The following TUSC3 variants were observed in gnomAD, a reference collection of about 807,000 sequenced individuals.
TUSC3 encodes dolichyl-diphosphooligosaccharide--protein glycosyltransferase subunit TUSC3.
A neutral mutation model predicts 44.8 loss-of-function variants in TUSC3; 45 were observed. That is an observed-to-expected ratio of 1.00 (90% confidence interval 0.79 to 1.29). TUSC3 has a LOEUF of 1.29. TUSC3 is among the 50% of genes most tolerant of loss of function. The pLI is 0.00. For synonymous variants in TUSC3, 212 were observed against 152.9 expected, an observed-to-expected ratio of 1.39 and a Z score of -2.85; for missense variants, 519 against 437.9, an observed-to-expected ratio of 1.19 and a Z score of -1.65.
At chr8:15,515,430 C>T (rs1045659757) in intron 2 of TUSC3, among the ~76,000 whole-genome samples, 10 of 152,096 alleles carry the variant, frequency 6.6e-5, no homozygotes, top group Non-Finnish European at 1.3e-4. Flanking sequence ...GCATTTTACT[C>T]ACATTTTTCT....
intron 1 of TUSC3, among the ~76,000 whole-genome samples, chr8:15,556,423 T>A (rs1338289980): frequency 6.6e-6 from 1 of 151,438 alleles, no homozygotes; most frequent in African/African-American, 2.4e-5. Flanking sequence ...TTTGGGTTGG[T>A]TCCAAGTCTT....
At chr8:15,718,009 T>A (rs1045234389) in intron 6 of TUSC3, among the ~76,000 whole-genome samples, 2 of 152,148 alleles carry the variant, frequency 1.3e-5, no homozygotes, top group African/African-American at 4.8e-5. Context: ...TGTTTTGCAT[T>A]TTATGAAACA....
At chr8:15,482,800 A>G (rs912785769) in intron 1 of TUSC3, among the ~76,000 whole-genome samples, 2 of 152,234 alleles carry the variant, frequency 1.3e-5, no homozygotes, top group African/African-American at 4.8e-5. Context: ...AAAATAGGAA[A>G]AATCCAGTAA....
chr8:15,539,556 A>C (rs1801602673), upstream of TUSC3, among the ~76,000 whole-genome samples: 1 of 151,814 alleles, frequency 6.6e-6, no homozygotes, highest in Non-Finnish European at 1.5e-5. Flanking sequence ...TCCCCATGTT[A>C]CGGCAGGCTG....
At chr8:15,670,069 T>G (rs182248813) in intron 5 of TUSC3, among the ~76,000 whole-genome samples, 1 of 151,964 alleles carries the variant, frequency 6.6e-6, no homozygotes, top group Non-Finnish European at 1.5e-5. Flanking sequence ...ATAAAAGATA[T>G]GCACACTGAA....
At chr8:15,759,263 A>ATT (rs1399479810) in intron 10 of TUSC3, among the ~76,000 whole-genome samples, 1 of 151,994 alleles carries the variant, frequency 6.6e-6, no homozygotes, top group East Asian at 1.9e-4. Context: ...ACCCACCCAC[A>ATT]TAAGTGATGT....
intron 1 of TUSC3, among the ~76,000 whole-genome samples, chr8:15,457,872 TTAGA>T (rs1314653458): frequency 2.2e-5 from 1 of 45,222 alleles, no homozygotes; most frequent in Admixed American, 2.6e-4. Flanking sequence ...AATAAATTAA[TTAGA>T]TAATTACTAA....
chr8:15,603,448 G>C (rs1804377605), intron 1 of TUSC3, among the ~76,000 whole-genome samples: 1 of 151,720 alleles, frequency 6.6e-6, no homozygotes, highest in South Asian at 2.1e-4. Context: ...GCAATATCTT[G>C]TAATTGGTTA....
At chr8:15,471,259 T>C (rs1199435003) in intron 1 of TUSC3, among the ~76,000 whole-genome samples, 1 of 152,198 alleles carries the variant, frequency 6.6e-6, no homozygotes, top group Non-Finnish European at 1.5e-5. Context: ...CAGTGTTTAG[T>C]AGTGGAAGTG....
In TUSC3 at chr8:15,483,057, A is replaced by G. The variant is rs536602919; in HGVS notation, n.92-329A>G. On this transcript the variant is annotated intron_variant and non_coding_transcript_variant, in intron 1 of 5. Transcript: ENST00000503191. ...CCAACTTTAATATTTGCAGAACATC[A>G]TAGAAAATATTCCTCTATTCATACA... Among the ~76,000 whole-genome samples, 79 of 152,328 alleles carry G rather than the reference A, an allele frequency of 5.2e-4. 1 individual carries two copies. In the South Asian group the frequency reaches 0.015, roughly 29 times the overall value.
At chr8:15,539,297 G>A (rs933203631), upstream of TUSC3, among the ~76,000 whole-genome samples, 12 of 150,114 alleles carry the variant, frequency 8.0e-5, no homozygotes, top group South Asian at 6.3e-4. Context: ...GCATTAGAAC[G>A]GATCAGGCCC....
At chr8:15,424,093 C>T (rs1411199791) in intron 1 of TUSC3, among the ~76,000 whole-genome samples, 1 of 143,242 alleles carries the variant, frequency 7.0e-6, no homozygotes, top group African/African-American at 2.5e-5. Context: ...TGGGTTCAAA[C>T]GATTCTCCTG....
chr8:15,585,580 C>G (rs528384695), intron 1 of TUSC3, among the ~76,000 whole-genome samples: 4 of 152,118 alleles, frequency 2.6e-5, no homozygotes, highest in African/African-American at 9.7e-5. Flanking sequence ...GCGTGAATTT[C>G]TTGTAGCTCC....
At chr8:15,471,146 A>G in intron 1 of TUSC3, among the ~76,000 whole-genome samples, 1 of 152,148 alleles carries the variant, frequency 6.6e-6, no homozygotes, top group East Asian at 1.9e-4. Flanking sequence ...TTAATTCCCC[A>G]GCACTACAAC....
At chr8:15,478,085 T>A (rs2129123975) in intron 1 of TUSC3, among the ~76,000 whole-genome samples, 1 of 152,072 alleles carries the variant, frequency 6.6e-6, no homozygotes, top group African/African-American at 2.4e-5. Context: ...AGCCTCTTGA[T>A]TAGCTGGATT....
chr8:15,715,246 A>G (rs1233237879), intron 6 of TUSC3, among the ~76,000 whole-genome samples: 1 of 152,196 alleles, frequency 6.6e-6, no homozygotes, highest in Non-Finnish European at 1.5e-5. Context: ...AGTTTAATTT[A>G]TAAATTAGGC....
At chr8:15,476,577 C>A (rs562505557) in intron 1 of TUSC3, among the ~76,000 whole-genome samples, 8 of 152,084 alleles carry the variant, frequency 5.3e-5, no homozygotes, top group Non-Finnish European at 1.2e-4. Flanking sequence ...ATTCTGTTAC[C>A]AGGGGTGGGT....
the TUSC3 span, among the ~76,000 whole-genome samples, chr8:15,851,011 G>A: frequency 6.6e-6 from 1 of 152,190 alleles, no homozygotes; most frequent in Middle Eastern, 3.2e-3. Context: ...TCATTTTAGT[G>A]GGAATGGTAG....
chr8:15,692,673 T>C (rs943081050), intron 6 of TUSC3, among the ~76,000 whole-genome samples: 1 of 138,456 alleles, frequency 7.2e-6, no homozygotes, highest in South Asian at 2.2e-4. Flanking sequence ...TTTTTTTTTT[T>C]CTATTTCCAT....
Sources: allele counts gnomAD v4.1 joint callset (sites outside exome capture counted in the v4.1 genomes callset), GRCh38; gene constraint gnomAD v4.1.1; transcripts MANE v1.5; gene names NCBI Gene and HGNC (gene_info 2026-07-23, HGNC 2026-07-21).